Variants in BPTF observed in about 807,000 individuals in gnomAD.
BPTF encodes nucleosome-remodeling factor subunit BPTF.
A neutral mutation model predicts 292.5 loss-of-function variants in BPTF; 18 were observed. The observed-to-expected ratio is 0.06, with a 90% CI of 0.04 to 0.09. The LOEUF (loss-of-function observed/expected upper bound fraction) is 0.09, where lower values mean the gene tolerates loss of function less well. Among genes scored for constraint, BPTF ranks in the 10% least tolerant of loss-of-function variants. The pLI is 1.00. For synonymous variants in BPTF, 1,225 were observed against 1,251.9 expected (o/e 0.98, Z 0.45); for missense variants, 2,726 against 3,498.7 (o/e 0.78, Z 5.57).
At chr17:67,924,948 C>T (rs1159309940) in intron 15 of BPTF, among the ~76,000 whole-genome samples, 3 of 151,596 alleles carry the variant, frequency 2.0e-5, no homozygotes, top group African/African-American at 4.8e-5. Flanking sequence ...AGGGCTTCGC[C>T]GTGTTCCCCA....
At position 67,912,982 on chromosome 17, in the gene BPTF, C is replaced by T. The variant is rs2062750162; in HGVS notation, c.5098C>T (p.Arg1700Cys). Residue 1700 changes from arginine (R) to cysteine (C), a missense_variant, in exon 11 of 28, where the codon CGT becomes TGT. Arg to Cys is a radical substitution (Grantham distance 180, BLOSUM62 -3). Around this residue, in one of 22 missense-constraint regions of BPTF, gnomAD observed 24 missense variants for 57.5 expected, o/e 0.42. Coordinates refer to ENST00000306378, the MANE Select transcript of BPTF (RefSeq NM_182641.4). ...GAAATTTTCAAGACCAAAGAAGACT[C>T]GTTCAGGTACAGCTCTGCCATCCTA... Reference protein sequence around the residue: ...LMKFSRPKKTRSGTALPSYRK... With the variant: ...LMKFSRPKKTCSGTALPSYRK... 6.2e-7 allele frequency: 1 copy of T among 1,613,992 alleles called. No individual in the cohort carries two copies. Among genetic ancestry groups the T allele is most frequent in the Non-Finnish European group, 8.5e-7 (1 of 1,180,024 alleles).
At chr17:67,888,795 C>T (rs901871869) in intron 4 of BPTF, among the ~76,000 whole-genome samples, 9 of 152,008 alleles carry the variant, frequency 5.9e-5, no homozygotes, top group Non-Finnish European at 8.8e-5. Flanking sequence ...TAAGAAGATT[C>T]CCCTTCTGGA....
At chr17:67,980,797 C>T (rs1194829849) in intron 27 of BPTF, among the ~76,000 whole-genome samples, 1 of 152,204 alleles carries the variant, frequency 6.6e-6, no homozygotes, top group African/African-American at 2.4e-5. Context: ...TAAATATACT[C>T]AAGTTGACAT....
intron 17 of BPTF, among the ~76,000 whole-genome samples, chr17:67,930,968 AG>A (rs1568104150): frequency 2.6e-5 from 4 of 151,748 alleles, no homozygotes. Flanking sequence ...AAAAAAAAAA[AG>A]TTCAAAGATT....
chr17:67,923,213 G>A (rs530632062), intron 14 of BPTF, among the ~76,000 whole-genome samples: 10 of 151,778 alleles, frequency 6.6e-5, no homozygotes, highest in African/African-American at 1.7e-4. Context: ...ATGCCACCAC[G>A]CCCAGCTAAT....
intron 1 of BPTF, among the ~76,000 whole-genome samples, chr17:67,833,893 A>G (rs2056923925): frequency 6.6e-6 from 1 of 152,184 alleles, no homozygotes; most frequent in African/African-American, 2.4e-5. Flanking sequence ...GTTAGAATGA[A>G]TCCTTAGTGA....
chr17:67,936,543 G>C (rs1391556532), intron 18 of BPTF: 7 of 152,156 alleles, frequency 4.6e-5, no homozygotes, highest in Admixed American at 3.9e-4. Context: ...ATGCATAAGT[G>C]AATGTGTAGT....
At chr17:67,950,139 T>A (rs1284608575) in intron 23 of BPTF, among the ~76,000 whole-genome samples, 5 of 150,772 alleles carry the variant, frequency 3.3e-5, no homozygotes, top group African/African-American at 1.2e-4. Context: ...GGCTCATGCC[T>A]GTAATCCCAG....
rs782340397 is a variant in BPTF at position 67,945,694 on chromosome 17, C to G, written c.6986C>G (p.Ser2329Cys). The G allele has an allele frequency of 4.3e-6, 7 of 1,614,064 alleles. No individual in the cohort carries two copies. The highest frequency in any genetic ancestry group is 4.2e-6 in the Non-Finnish European group (5 of 1,180,046). ...TCCAAGCCCCAAGTTGCAGCACAGT[C>G]TCAGCCTCAAAGTAATGTCCAAGGA... ...QSSKPQVAAQ[S>C]QPQSNVQGQS... Residue 2329 changes from serine to cysteine, a missense_variant, in exon 21 of 28, where the codon TCT (serine) becomes TGT (cysteine). Ser to Cys is a moderately radical substitution (Grantham distance 112). This residue lies in a region of BPTF where 570 missense variants were observed against 633.5 expected (regional missense o/e 0.90). Coordinates refer to ENST00000306378, the MANE Select transcript of BPTF (RefSeq NM_182641.4).
At chr17:67,913,229 A>G (rs1332281464) in intron 11 of BPTF, 42 bp downstream of exon 11, 3 of 1,514,810 alleles carry the variant, frequency 2.0e-6, no homozygotes, top group African/African-American at 2.8e-5. Flanking sequence ...AGAAAATTTT[A>G]AAAAGAATTA....
At chr17:67,963,867 A>G (rs1194045458) in intron 24 of BPTF, among the ~76,000 whole-genome samples, 1 of 152,216 alleles carries the variant, frequency 6.6e-6, no homozygotes, top group Non-Finnish European at 1.5e-5. Context: ...ACAAGCTCTG[A>G]GACTCTGTTA....
chr17:67,953,226 G>C (rs1435182124), intron 23 of BPTF, among the ~76,000 whole-genome samples: 2 of 148,666 alleles, frequency 1.3e-5, no homozygotes, highest in African/African-American at 2.5e-5. Flanking sequence ...CTCCCAAAGC[G>C]TTGGGATTAC....
chr17:67,882,959 C>T (rs1444980799), intron 4 of BPTF, among the ~76,000 whole-genome samples: 1 of 148,316 alleles, frequency 6.7e-6, no homozygotes. Flanking sequence ...GATCACGCCA[C>T]GCCACTGCAC....
intron 14 of BPTF, 133 bp downstream of exon 14, chr17:67,923,123 T>C: frequency 9.6e-7 from 1 of 1,044,284 alleles, no homozygotes; most frequent in Non-Finnish European, 1.3e-6. Flanking sequence ...TGGCACAATC[T>C]TGGCTCACTG....
At chr17:67,827,930 CTTTT>C (rs35169238) in intron 1 of BPTF, among the ~76,000 whole-genome samples, 1 of 128,952 alleles carries the variant, frequency 7.8e-6, no homozygotes. Context: ...AATTTTAGTA[CTTTT>C]TTTTTTTTTT....
At position 67,911,458 on chromosome 17, in the gene BPTF, A is replaced by G; in HGVS notation, c.3574A>G (p.Lys1192Glu). 1 of 1,614,170 alleles carries G rather than the reference A, an allele frequency of 6.2e-7. No individual in the cohort carries two copies. The highest frequency in any genetic ancestry group is 1.7e-5 in the Admixed American group (1 of 60,010). Residue 1192 changes from lysine (K) to glutamate (E), a missense_variant, in exon 11 of 28, where the codon AAA (lysine) becomes GAA (glutamate). By Grantham distance (56) the Lys-to-Glu change is moderately conservative. Coordinates refer to ENST00000306378, the MANE Select transcript of BPTF (RefSeq NM_182641.4). ...TTCCATTGAAAATGACATAGAAGAA[A>G]AAGTCTCTGACCTTGCCAGTAGAGG... ...QNSIENDIEE[K>E]VSDLASRGQE...
intron 23 of BPTF, among the ~76,000 whole-genome samples, chr17:67,950,261 C>T (rs961784999): frequency 5.3e-5 from 8 of 151,202 alleles, no homozygotes; most frequent in Middle Eastern, 3.4e-3. Context: ...ACTGTCCCCC[C>T]GCCCCCACCG....
chr17:67,852,123 A>C (rs893771053), intron 1 of BPTF, among the ~76,000 whole-genome samples: 1 of 152,126 alleles, frequency 6.6e-6, no homozygotes, highest in Admixed American at 6.6e-5. Context: ...TTCTCTCTTT[A>C]AACACTGTAG....
At chr17:67,877,326 T>C (rs1047879941) in intron 4 of BPTF, among the ~76,000 whole-genome samples, 4 of 152,210 alleles carry the variant, frequency 2.6e-5, no homozygotes, top group African/African-American at 9.6e-5. Context: ...AGCTATTTAT[T>C]GAGTGCCCTA....
Sources: allele counts gnomAD v4.1 joint callset (sites outside exome capture counted in the v4.1 genomes callset), GRCh38; gene constraint gnomAD v4.1.1; regional missense constraint gnomAD v4.1.1; transcripts MANE v1.5; gene names NCBI Gene and HGNC (gene_info 2026-07-23, HGNC 2026-07-21).